Variants in SLF1 observed in about 807,000 individuals in gnomAD.
SLF1 encodes the protein SMC5-SMC6 complex localization factor protein 1.
A neutral mutation model predicts 123.0 loss-of-function variants in SLF1; 105 were observed. The ratio of observed to expected loss-of-function variants is 0.85; its 90% CI spans 0.73 to 1.00. SLF1 has a LOEUF of 1.00. Among genes scored for constraint, SLF1 ranks in the 50% least tolerant of loss-of-function variants. The probability of loss-of-function intolerance (pLI) is 0.00; values close to 1 mark genes in which losing one functional copy is unlikely to be tolerated. For missense variants in SLF1, 1,239 were observed against 1,223.0 expected (o/e 1.01, Z -0.20); for synonymous variants, 434 against 406.6 (o/e 1.07, Z -0.81).
intron 17 of SLF1, among the ~76,000 whole-genome samples, 176 bp downstream of exon 17, chr5:94,688,845 C>A (rs1752743911): frequency 6.6e-6 from 1 of 152,154 alleles, no homozygotes; most frequent in Non-Finnish European, 1.5e-5. Context: ...AAGGTACATG[C>A]TTTCTAAGTG....
Position 94,695,129 on chromosome 5 carries a change from A to T in SLF1, c.2994A>T (p.Glu998Asp). The T allele has an allele frequency of 6.2e-7, 1 of 1,612,738 alleles. No homozygotes were observed. The change falls in exon 21 of 21, where the codon GAA becomes GAT. Residue 998 changes from glutamate to aspartate, a missense_variant. Physicochemically the swap from Glu to Asp is conservative, Grantham distance 45 (BLOSUM62 2). Coordinates refer to ENST00000265140, the MANE Select transcript of SLF1 (RefSeq NM_032290.4). ...ELLMACKSHK[E>D]TTSVHTDWLL... ...TTATGGCTTGTAAAAGTCATAAAGA[A>T]ACCACCAGTGTTCATACTGACTGGT... is the stretch of plus-strand genomic sequence containing the variant.
At chr5:94,680,291 A>G (rs542663534) in intron 15 of SLF1, among the ~76,000 whole-genome samples, 2 of 152,264 alleles carry the variant, frequency 1.3e-5, no homozygotes, top group East Asian at 1.9e-4. Context: ...AAAGCATTTT[A>G]TCTCTTTTAT....
At chr5:94,666,172 C>A in intron 12 of SLF1, 148 bp downstream of exon 12, 1 of 753,116 alleles carries the variant, frequency 1.3e-6, no homozygotes, top group Non-Finnish European at 1.9e-6. Flanking sequence ...TATTGCAAAA[C>A]TTATGAAAAG....
chr5:94,651,705 G>A lies in SLF1; in HGVS notation c.742G>A (p.Glu248Lys). Residue 248 changes from glutamate to lysine, a missense_variant, in exon 7 of 21, where the codon GAA (glutamate) becomes AAA (lysine). Glu to Lys is a moderately conservative substitution (Grantham distance 56, BLOSUM62 1). Coordinates refer to ENST00000265140, the MANE Select transcript of SLF1 (RefSeq NM_032290.4). The part of the protein sequence containing the change: ...LRETMYRTQK[E>K]MQNHEDVNVG... ...AATTATGTTTACAAACACGCAGAAA[G>A]AAATGCAAAATCATGAAGATGTTAA... 2.0e-6 allele frequency: 3 copies of A among 1,520,478 alleles called. No homozygotes were observed. The highest frequency in any genetic ancestry group is 2.6e-6 in the Non-Finnish European group (3 of 1,135,078). 94.2% of individuals were successfully genotyped at this position (1,520,478 alleles called of 1,614,324 possible).
intron 9 of SLF1, among the ~76,000 whole-genome samples, chr5:94,656,342 A>T (rs1252563213): frequency 3.3e-5 from 5 of 151,798 alleles, no homozygotes; most frequent in Non-Finnish European, 7.4e-5. Flanking sequence ...TGATCAATAC[A>T]CTTGATCATA....
chr5:94,693,706 T>G (rs1298607045), intron 20 of SLF1, among the ~76,000 whole-genome samples: 1 of 151,842 alleles, frequency 6.6e-6, no homozygotes, highest in Non-Finnish European at 1.5e-5. Context: ...TTTATTTATT[T>G]CTCTAAAACG....
chr5:94,653,773 T>G (rs936498446), intron 8 of SLF1, among the ~76,000 whole-genome samples: 2 of 152,220 alleles, frequency 1.3e-5, no homozygotes, highest in African/African-American at 4.8e-5. Context: ...TTTGCTCTTT[T>G]GTATAGTACA....
At chr5:94,658,428 T>TTTG (rs35496935) in intron 9 of SLF1, among the ~76,000 whole-genome samples, 37,388 of 150,438 alleles carry the variant, frequency 0.25, 4,907 homozygotes, top group Non-Finnish European at 0.28. Flanking sequence ...TTGAGTTGGG[T>TTTG]TTGTTGTTGT....
At chr5:94,659,146 T>G (rs1748764390) in intron 9 of SLF1, among the ~76,000 whole-genome samples, 1 of 151,336 alleles carries the variant, frequency 6.6e-6, no homozygotes, top group African/African-American at 2.4e-5. Context: ...ATATATTTTT[T>G]TTCATTCATT....
At chr5:94,649,051 C>G (rs1041626883) in intron 5 of SLF1, among the ~76,000 whole-genome samples, 1 of 152,042 alleles carries the variant, frequency 6.6e-6, no homozygotes, top group African/African-American at 2.4e-5. Context: ...GGTATACTTG[C>G]AAGTGAGAAG....
At chr5:94,630,071 T>C (rs1745041748) in intron 3 of SLF1, among the ~76,000 whole-genome samples, 2 of 152,130 alleles carry the variant, frequency 1.3e-5, no homozygotes, top group South Asian at 4.1e-4. Context: ...GTGAACAATA[T>C]TGGAAAAGCT....
At chr5:94,684,469 C>G (rs1019131066) in intron 15 of SLF1, among the ~76,000 whole-genome samples, 6 of 151,904 alleles carry the variant, frequency 3.9e-5, no homozygotes, top group Non-Finnish European at 7.4e-5. Context: ...GAGGCCAAGG[C>G]GGGCAGATCA....
chr5:94,688,560 ATTC>A lies in SLF1; in HGVS notation c.2177_2179del (p.Ile726_Gln727delinsLys). 1 of 1,614,122 alleles carries A rather than the reference ATTC, an allele frequency of 6.2e-7. No homozygotes were observed. Among genetic ancestry groups the A allele is most frequent in the Non-Finnish European group, 8.5e-7 (1 of 1,179,984 alleles). ...AACTGGTGTGCTTGGGTCTGGAAAG[ATTC>A]AGGTGTCAAAGAAAATAGGACAGCG... On this transcript the variant is annotated inframe_deletion, in exon 17 of 21. Coordinates refer to ENST00000265140, the MANE Select transcript of SLF1 (RefSeq NM_032290.4).
intron 8 of SLF1, 145 bp downstream of exon 8, chr5:94,653,566 T>C: frequency 1.5e-6 from 1 of 683,116 alleles, no homozygotes; most frequent in Admixed American, 4.2e-5. Context: ...CCAGTTAACT[T>C]TGGTTCACAG....
intron 4 of SLF1, among the ~76,000 whole-genome samples, chr5:94,632,324 T>G (rs899555125): frequency 1.3e-5 from 2 of 152,220 alleles, no homozygotes; most frequent in Non-Finnish European, 2.9e-5. Flanking sequence ...AATTAGGTAC[T>G]ATGGGTTTCT....
intron 1 of SLF1, among the ~76,000 whole-genome samples, chr5:94,626,050 G>A (rs1792210621): frequency 6.6e-6 from 1 of 151,834 alleles, no homozygotes; most frequent in African/African-American, 2.4e-5. Context: ...TCAGGAGATC[G>A]AGACCGTCCT....
At chr5:94,684,303 C>T (rs188205438) in intron 15 of SLF1, among the ~76,000 whole-genome samples, 3 of 152,236 alleles carry the variant, frequency 2.0e-5, no homozygotes, top group Admixed American at 6.5e-5. Context: ...GATTCTTATC[C>T]TTCAGTTTAC....
intron 8 of SLF1, among the ~76,000 whole-genome samples, chr5:94,653,709 C>CT (rs1561444540): frequency 6.6e-6 from 1 of 152,152 alleles, no homozygotes; most frequent in Admixed American, 6.5e-5. Context: ...ATGAAAAAAT[C>CT]TTTAAAACTA....
chr5:94,623,154 T>C (rs1791943154), intron 1 of SLF1, among the ~76,000 whole-genome samples: 1 of 152,208 alleles, frequency 6.6e-6, no homozygotes, highest in East Asian at 1.9e-4. Context: ...TGAAGAGTTC[T>C]ATAAGTTTTC....
Sources: gnomAD v4.1 joint callset for allele counts (sites outside exome capture counted in the v4.1 genomes callset) on GRCh38, gnomAD v4.1.1 for gene constraint, MANE v1.5 for transcripts, NCBI Gene and HGNC (gene_info 2026-07-23, HGNC 2026-07-21) for gene names.